Variants in STPG2 observed in about 807,000 individuals in gnomAD.
STPG2 encodes sperm tail PG-rich repeat containing 2.
STPG2 carries 56 observed loss-of-function variants against 54.2 expected under a neutral mutation model. The observed-to-expected ratio is 1.03, with a 90% CI of 0.83 to 1.29. STPG2 has a LOEUF of 1.29. Ranked by LOEUF, STPG2 falls within the 50% of genes most tolerant of loss-of-function variation. The pLI is 0.00. For synonymous variants in STPG2, 200 were observed against 181.8 expected, an observed-to-expected ratio of 1.10 and a Z score of -0.81; for missense variants, 596 against 544.9, an observed-to-expected ratio of 1.09 and a Z score of -0.93.
At chr4:97,521,370 T>C (rs1363090758) in intron 4 of STPG2, among the ~76,000 whole-genome samples, 2 of 152,060 alleles carry the variant, frequency 1.3e-5, no homozygotes, top group Non-Finnish European at 2.9e-5. Context: ...TCATATTCTG[T>C]TGAGTCAGTT....
chr4:98,091,488 T>C (rs1446844493), intron 5 of STPG2, among the ~76,000 whole-genome samples: 4 of 152,072 alleles, frequency 2.6e-5, no homozygotes, highest in Non-Finnish European at 5.9e-5. Context: ...TCTAACACAC[T>C]TTAGAATCCT....
At chr4:97,686,407 T>C (rs1291688394) in intron 10 of STPG2, among the ~76,000 whole-genome samples, 1 of 152,194 alleles carries the variant, frequency 6.6e-6, no homozygotes, top group Non-Finnish European at 1.5e-5. Flanking sequence ...ATCTTGGATG[T>C]TGTGGCTTAG....
At position 97,737,264 on chromosome 4, in the gene STPG2, A is replaced by G. The variant is rs917657052; in HGVS notation, c.1205-24450T>C. Reference sequence around the variant, plus strand: ...GATAAAACCACAAAGATGTGGAAAAAACAGAGCAGAAAAACTGGAAATTCT... The same window carrying G: ...GATAAAACCACAAAGATGTGGAAAAGACAGAGCAGAAAAACTGGAAATTCT... On this transcript the variant is annotated intron_variant, in intron 9 of 10. Coordinates refer to ENST00000295268, the MANE Select transcript of STPG2 (RefSeq NM_174952.3). 2.2e-4 allele frequency among the ~76,000 whole-genome samples: 33 copies of G among 152,334 alleles called. 1 individual carries two copies. The highest frequency in any genetic ancestry group is 7.2e-4 in the African/African-American group (30 of 41,584).
At chr4:97,908,591 A>G (rs1205783394) in intron 8 of STPG2, among the ~76,000 whole-genome samples, 2 of 152,048 alleles carry the variant, frequency 1.3e-5, no homozygotes, top group South Asian at 2.1e-4. Context: ...CATTATTCAC[A>G]ATAGCAAAGA....
At position 97,774,486 on chromosome 4, in the gene STPG2, A is replaced by C. The variant is rs1726315107; in HGVS notation, c.1205-61672T>G. 2.6e-5 allele frequency among the ~76,000 whole-genome samples: 4 copies of C among 152,180 alleles called. No individual in the cohort carries two copies. The South Asian group carries it at 8.3e-4, about 31-fold the overall frequency. On this transcript the variant is annotated intron_variant, in intron 9 of 10. Transcript: ENST00000295268. Reference sequence around the variant, plus strand: ...TGTACCATTTTGTGGCTTGCCTAAGAAATTCACTCACACCAAGCATATCAT... The same window carrying C: ...TGTACCATTTTGTGGCTTGCCTAAGCAATTCACTCACACCAAGCATATCAT...
rs1737131586 is a variant in STPG2 at position 98,046,461 on chromosome 4, T to G, written c.612+59492A>C. Among the ~76,000 whole-genome samples, 5 of 152,282 alleles carry G rather than the reference T, an allele frequency of 3.3e-5. No homozygotes were observed. The South Asian group carries it at 1.0e-3, about 32-fold the overall frequency. On this transcript the variant is annotated intron_variant, in intron 5 of 10. Coordinates refer to ENST00000295268, the MANE Select transcript of STPG2 (RefSeq NM_174952.3). ...TCCCAGTCTCGTCAGACTGGCCATGTGTAGGAGATGAACCTAACCAATCAG... is the reference window on the plus strand; with the variant it reads ...TCCCAGTCTCGTCAGACTGGCCATGGGTAGGAGATGAACCTAACCAATCAG...
intron 7 of STPG2, among the ~76,000 whole-genome samples, chr4:97,959,471 AAAG>A (rs1450650557): frequency 6.6e-6 from 1 of 152,142 alleles, no homozygotes; most frequent in African/African-American, 2.4e-5. Context: ...TTAACCAAGA[AAAG>A]AAGAGAGAAA....
intron 10 of STPG2, among the ~76,000 whole-genome samples, chr4:97,690,254 T>C (rs982871742): frequency 2.6e-5 from 4 of 152,124 alleles, no homozygotes; most frequent in African/African-American, 7.2e-5. Flanking sequence ...ACTTATATAT[T>C]TCAGACTCAG....
chr4:97,792,407 C>T (rs1727031007), intron 9 of STPG2, among the ~76,000 whole-genome samples: 2 of 152,136 alleles, frequency 1.3e-5, no homozygotes, highest in Non-Finnish European at 2.9e-5. Flanking sequence ...TTGGCATATA[C>T]TCCGTGCTTT....
At chr4:97,946,667 T>C (rs975145694) in intron 7 of STPG2, among the ~76,000 whole-genome samples, 20 of 152,284 alleles carry the variant, frequency 1.3e-4, no homozygotes, top group African/African-American at 4.8e-4. Context: ...CCCCAATTTA[T>C]GCTGTTCTAT....
In STPG2 at chr4:97,821,983, G is replaced by T. The variant is rs557712425; in HGVS notation, c.1204+18790C>A. Among the ~76,000 whole-genome samples the T allele has an allele frequency of 2.4e-4, 37 of 152,312 alleles. No homozygotes were observed. In the South Asian group the frequency reaches 7.5e-3, roughly 31 times the overall value. On this transcript the variant is annotated intron_variant, in intron 9 of 10. Transcript: ENST00000295268. ...CTTTTTAGCCATGCTAATATCTCCA[G>T]CAAGTGGTTGCTCCATAGCCCCTCT...
chr4:97,755,222 C>A (rs1021965861), intron 9 of STPG2, among the ~76,000 whole-genome samples: 9 of 152,114 alleles, frequency 5.9e-5, no homozygotes, highest in Admixed American at 4.6e-4. Flanking sequence ...CAAAATCTAG[C>A]AGATAATGGT....
rs139904481 is a variant in STPG2 at position 97,609,653 on chromosome 4, T to C, written c.1321-50536A>G. 9.0e-3 allele frequency among the ~76,000 whole-genome samples: 1,370 copies of C among 152,082 alleles called. 55 individuals carry two copies. The highest frequency in any genetic ancestry group is 0.072 in the Admixed American group (1,095 of 15,224). On this transcript the variant is annotated intron_variant, in intron 10 of 10. Coordinates refer to ENST00000295268, the MANE Select transcript of STPG2 (RefSeq NM_174952.3). ...GGAATCTGTCTAATGGGGATGTTTG[T>C]AATGCCCTATAAAAAGTGCTTCTAA...
intron 3 of STPG2, among the ~76,000 whole-genome samples, chr4:98,122,470 T>C (rs950046271): frequency 1.3e-5 from 2 of 152,228 alleles, no homozygotes; most frequent in Non-Finnish European, 2.9e-5. Context: ...GATTTTTGTA[T>C]TTAGTTCTGT....
At chr4:97,993,893 T>C (rs1324355183) in intron 5 of STPG2, among the ~76,000 whole-genome samples, 1 of 152,160 alleles carries the variant, frequency 6.6e-6, no homozygotes, top group African/African-American at 2.4e-5. Flanking sequence ...AAAATAGCCT[T>C]GAATGATCTT....
At chr4:98,031,629 G>A (rs1015340115) in intron 5 of STPG2, among the ~76,000 whole-genome samples, 1 of 152,000 alleles carries the variant, frequency 6.6e-6, no homozygotes, top group Admixed American at 6.5e-5. Flanking sequence ...AGGTTGCAGT[G>A]AGCCGAGATC....
At chr4:98,067,578 T>C (rs1393206322) in intron 5 of STPG2, among the ~76,000 whole-genome samples, 6 of 152,196 alleles carry the variant, frequency 3.9e-5, no homozygotes, top group Non-Finnish European at 7.3e-5. Context: ...GTAAAGTTTT[T>C]GGAGCAGGAA....
chr4:97,978,828 AG>A (rs1407270636), intron 6 of STPG2, among the ~76,000 whole-genome samples: 1 of 152,174 alleles, frequency 6.6e-6, no homozygotes, highest in African/African-American at 2.4e-5. Flanking sequence ...TTAAAGGAAA[AG>A]ATGTAAAGCA....
intron 9 of STPG2, among the ~76,000 whole-genome samples, chr4:97,724,796 T>C (rs1420038095): frequency 6.6e-6 from 1 of 152,196 alleles, no homozygotes; most frequent in African/African-American, 2.4e-5. Context: ...TCTTTAAGAA[T>C]AATATCTTAG....
Sources: gnomAD v4.1 joint callset for allele counts (sites outside exome capture counted in the v4.1 genomes callset) on GRCh38, gnomAD v4.1.1 for gene constraint, MANE v1.5 for transcripts, NCBI Gene and HGNC (gene_info 2026-07-23, HGNC 2026-07-21) for gene names.